The following SEC14L5 variants were observed in gnomAD, a reference collection of about 807,000 sequenced individuals.
SEC14L5 encodes the protein SEC14-like protein 5.
A neutral mutation model predicts 84.6 loss-of-function variants in SEC14L5; 96 were observed. The ratio of observed to expected loss-of-function variants is 1.13; its 90% CI spans 0.96 to 1.34. The LOEUF (loss-of-function observed/expected upper bound fraction) is 1.34. SEC14L5 is among the 40% of genes most tolerant of loss of function. SEC14L5 has a pLI of 0.00. For missense variants in SEC14L5, 1,224 were observed against 942.5 expected, an observed-to-expected ratio of 1.30 and a Z score of -3.91; for synonymous variants, 546 against 383.4, an observed-to-expected ratio of 1.42 and a Z score of -4.95.
In SEC14L5 at chr16:5,005,315, C is replaced by G. The variant is rs182830714; in HGVS notation, c.1303-599C>G. On this transcript the variant is annotated intron_variant, in intron 11 of 15. Transcript: ENST00000251170. Reference sequence around the variant, plus strand: ...GGGAGACAGAGCGAGACTCTGTCTCCGAAACAAAAACAAAAAAGAAACGCC... The same window carrying G: ...GGGAGACAGAGCGAGACTCTGTCTCGGAAACAAAAACAAAAAAGAAACGCC... Among the ~76,000 whole-genome samples the G allele has an allele frequency of 1.7e-4, 25 of 149,692 alleles. No individual in the cohort carries two copies. In the East Asian group the frequency reaches 5.0e-3, roughly 30 times the overall value.
intron 13 of SEC14L5, among the ~76,000 whole-genome samples, chr16:5,007,968 C>T (rs1487493617): frequency 1.5e-4 from 19 of 126,948 alleles, no homozygotes; most frequent in South Asian, 2.6e-4. Context: ...AGTGCAGTGG[C>T]GCAATGTTGG....
chr16:5,003,639 C>T, intron 11 of SEC14L5, 66 bp downstream of exon 11: 3 of 969,932 alleles, frequency 3.1e-6, no homozygotes, highest in Non-Finnish European at 4.6e-6. Flanking sequence ...GTTCCGTCTG[C>T]AAGCAGCTCT....
chr16:4,991,230 C>A (rs2142506892), intron 5 of SEC14L5, among the ~76,000 whole-genome samples: 1 of 146,718 alleles, frequency 6.8e-6, no homozygotes, highest in Non-Finnish European at 1.5e-5. Flanking sequence ...TCAGATCCAT[C>A]CCTGAGTAAA....
In SEC14L5 at chr16:5,000,586, G is replaced by T. The variant is rs1050923637; in HGVS notation, c.971-69G>T. ...GGAGGTGAAGCTCTCACCTGCAGCT[G>T]TGACCTGCCCCTCGGAAGCAGTCCT... On this transcript the variant is annotated intron_variant, in intron 8 of 15. Coordinates refer to ENST00000251170, the MANE Select transcript of SEC14L5 (RefSeq NM_014692.2). The T allele has an allele frequency of 1.6e-5, 20 of 1,233,600 alleles. No homozygotes were observed. The African/African-American group carries it at 1.8e-4, about 11-fold the overall frequency. The allele number at this position is 1,233,600 out of a possible 1,614,324, so 76.4% of individuals were successfully genotyped here.
chr16:4,978,758 A>G (rs987633683), intron 2 of SEC14L5, among the ~76,000 whole-genome samples: 2 of 148,742 alleles, frequency 1.3e-5, no homozygotes, highest in African/African-American at 5.0e-5. Context: ...GCCTGCCACC[A>G]CGCTCGGCTA....
At chr16:4,976,753 G>T (rs1173357431) in intron 2 of SEC14L5, among the ~76,000 whole-genome samples, 1 of 152,192 alleles carries the variant, frequency 6.6e-6, no homozygotes, top group Non-Finnish European at 1.5e-5. Context: ...TGAGCAGGCA[G>T]GCTTGGATGT....
rs1184376204 is a variant in SEC14L5, at chr16:5,016,795, A to G, written c.*1825A>G. ...GAGAAAGTGTCATCTTTTCAGATAC[A>G]TCCTTCTTCCTGCTGGGAGAGAGCC... On this transcript the variant is annotated 3_prime_UTR_variant, in exon 16 of 16. Coordinates refer to ENST00000251170, the MANE Select transcript of SEC14L5 (RefSeq NM_014692.2). The G allele has an allele frequency of 6.6e-6, 1 of 152,212 alleles. No individual in the cohort carries two copies. The highest frequency in any genetic ancestry group is 1.5e-5 in the Non-Finnish European group (1 of 68,026). 9.4% of individuals were successfully genotyped at this position (152,212 alleles called of 1,614,324 possible).
rs1368264146 is a variant in SEC14L5, at chr16:5,011,134, C to T, written c.1840C>T (p.Gln614Ter). 5 of 1,611,312 alleles carry T rather than the reference C, an allele frequency of 3.1e-6. No individual in the cohort carries two copies. Among genetic ancestry groups the T allele is most frequent in the Non-Finnish European group, 4.2e-6 (5 of 1,178,900 alleles). ...VTRWPGVYLL[Q>*]WQMHSPPSSV... is the part of the protein sequence containing the mutation. Reference sequence around the variant, plus strand: ...CCGGTGGCCCGGCGTCTACCTGCTCCAGTGGCAAATGCACAGCCCCCCCAG... The same window carrying T: ...CCGGTGGCCCGGCGTCTACCTGCTCTAGTGGCAAATGCACAGCCCCCCCAG... Residue 614 changes from glutamine (Q) to a stop codon, truncating the protein, a stop_gained, in exon 15 of 16, where the codon CAG (glutamine) becomes TAG (stop). Coordinates refer to ENST00000251170, the MANE Select transcript of SEC14L5 (RefSeq NM_014692.2). LOFTEE classifies it high-confidence loss of function.
chr16:4,959,125 G>A (rs1596608175), intron 1 of SEC14L5, 148 bp from the exon 2 acceptor site: 3 of 602,748 alleles, frequency 5.0e-6, no homozygotes, highest in East Asian at 5.5e-5. Context: ...GCTTGGCCTG[G>A]AGTAATTTGG....
At chr16:5,000,948 A>C (rs1445081447) in intron 10 of SEC14L5, 23 bp downstream of exon 10, 3 of 1,577,824 alleles carry the variant, frequency 1.9e-6, no homozygotes, top group African/African-American at 2.7e-5. Flanking sequence ...GCTGGGCACA[A>C]ATCCCCCCTA....
At chr16:5,013,763 A>G (rs1413252666) in intron 15 of SEC14L5, among the ~76,000 whole-genome samples, 1 of 151,924 alleles carries the variant, frequency 6.6e-6, no homozygotes, top group African/African-American at 2.4e-5. Flanking sequence ...TCGCCATGTT[A>G]GCCAGGCTGG....
At chr16:4,971,790 C>G (rs2142482944) in intron 2 of SEC14L5, among the ~76,000 whole-genome samples, 1 of 152,272 alleles carries the variant, frequency 6.6e-6, no homozygotes, top group African/African-American at 2.4e-5. Context: ...TTTTATTTCC[C>G]TGGCACCTGG....
At chr16:4,964,214 C>T (rs113242985) in intron 2 of SEC14L5, among the ~76,000 whole-genome samples, 2,251 of 152,138 alleles carry the variant, frequency 0.015, 51 homozygotes, top group African/African-American at 0.051. Context: ...TGGCTCAGGT[C>T]GCCTGAGTCC....
intron 4 of SEC14L5, 78 bp downstream of exon 4, chr16:4,988,358 C>T (rs567720866): frequency 2.0e-6 from 3 of 1,536,982 alleles, no homozygotes; most frequent in East Asian, 2.3e-5. Flanking sequence ...GAGCTGTGTC[C>T]CCACATTCCT....
intron 11 of SEC14L5, among the ~76,000 whole-genome samples, chr16:5,004,579 CA>C (rs1333821700): frequency 1.3e-5 from 2 of 151,712 alleles, no homozygotes; most frequent in Admixed American, 1.3e-4. Flanking sequence ...AAAGCTGGGA[CA>C]GGGGTGGGGG....
intron 2 of SEC14L5, among the ~76,000 whole-genome samples, chr16:4,969,032 G>A (rs558699758): frequency 2.0e-5 from 3 of 152,206 alleles, no homozygotes; most frequent in East Asian, 1.9e-4. Context: ...CAAAGCGGCC[G>A]GGGCCTTATT....
At position 5,008,275 on chromosome 16, in the gene SEC14L5, G is replaced by T. The variant is rs1955756424; in HGVS notation, c.1573-146G>T. 3 of 634,574 alleles carry T rather than the reference G, an allele frequency of 4.7e-6. No individual in the cohort carries two copies. The East Asian group carries it at 8.6e-5, about 18-fold the overall frequency. 39.3% of individuals were successfully genotyped at this position (634,574 alleles called of 1,614,324 possible). A position where few individuals can be genotyped will look rare whatever the true frequency, so the allele number is the denominator to read the frequency against. On this transcript the variant is annotated intron_variant, in intron 13 of 15. Transcript: ENST00000251170. ...GGCGAGGTCTCAGGAGAAAACTGAGGAGAGGAGGGCACTCCTGTAAGGAAT... is the reference window on the plus strand; with the variant it reads ...GGCGAGGTCTCAGGAGAAAACTGAGTAGAGGAGGGCACTCCTGTAAGGAAT...
chr16:4,996,747 C>G, intron 7 of SEC14L5, 108 bp from the exon 8 acceptor site: 1 of 853,892 alleles, frequency 1.2e-6, no homozygotes, highest in Non-Finnish European at 1.8e-6. Flanking sequence ...AATTTCTGTA[C>G]TTTTTGTAGA....
intron 8 of SEC14L5, among the ~76,000 whole-genome samples, chr16:4,998,764 AAAT>A (rs1293958963): frequency 8.2e-5 from 12 of 146,364 alleles, no homozygotes; most frequent in African/African-American, 2.0e-4. Context: ...AAAAAAAAAA[AAAT>A]AAACGTTCAT....
Sources: allele counts gnomAD v4.1 joint callset (sites outside exome capture counted in the v4.1 genomes callset), GRCh38; gene constraint gnomAD v4.1.1; transcripts MANE v1.5; gene names NCBI Gene and HGNC (gene_info 2026-07-23, HGNC 2026-07-21).